MYLIP: variants seen among roughly 807,000 people sequenced by gnomAD.
The protein encoded by MYLIP is myosin regulatory light chain interacting protein, also known as E3 ubiquitin-protein ligase MYLIP.
MYLIP carries 26 observed loss-of-function variants against 45.8 expected under a neutral mutation model. That is an observed-to-expected ratio of 0.57 (90% CI 0.42 to 0.79). MYLIP has a LOEUF of 0.79. Ranked by LOEUF, MYLIP falls within the 30% of genes least tolerant of loss-of-function variation. The pLI is 0.00. For missense variants in MYLIP, 494 were observed against 555.6 expected (o/e 0.89, Z 1.11); for synonymous variants, 213 against 218.1 (o/e 0.98, Z 0.21).
chr6:16,159,097 TG>T, the MYLIP span, among the ~76,000 whole-genome samples: 1 of 152,212 alleles, frequency 6.6e-6, no homozygotes, highest in African/African-American at 2.4e-5. Context: ...TCAAAACAAC[TG>T]GGTCCTGAGG....
intron 2 of MYLIP, among the ~76,000 whole-genome samples, chr6:16,138,405 T>C (rs1010348888): frequency 2.0e-5 from 3 of 152,112 alleles, no homozygotes; most frequent in Admixed American, 6.5e-5. Context: ...GAGAAAATAC[T>C]TGATTCAAAA....
intron 2 of MYLIP, 199 bp from the exon 3 acceptor site, chr6:16,141,426 T>A (rs1759669749): frequency 2.2e-6 from 1 of 447,202 alleles, no homozygotes; most frequent in Non-Finnish European, 3.9e-6. Flanking sequence ...GGTCACAACT[T>A]TTATTCCAGA....
At chr6:16,150,420 T>C (rs1759862095), downstream of MYLIP, among the ~76,000 whole-genome samples, 1 of 151,988 alleles carries the variant, frequency 6.6e-6, no homozygotes, top group Non-Finnish European at 1.5e-5. Context: ...AAATGTGAGG[T>C]GAGGATGCGG....
downstream of MYLIP, among the ~76,000 whole-genome samples, chr6:16,151,968 T>C (rs12661277): frequency 0.29 from 44,590 of 152,174 alleles, 6,898 homozygotes; most frequent in African/African-American, 0.38. Flanking sequence ...CCACACATAA[T>C]GAATATGTAG....
Position 16,146,902 on chromosome 6 carries a change from A to G in MYLIP, c.*151A>G. 4.7e-6 allele frequency: 3 copies of G among 643,752 alleles called. No individual in the cohort carries two copies. Among genetic ancestry groups the G allele is most frequent in the South Asian group, 2.2e-5 (1 of 45,810 alleles). The allele number at this position is 643,752 out of a possible 1,614,324, so 39.9% of individuals were successfully genotyped here. ...AAAAAGGAAGAAAAATAACACAGCT[A>G]CTCCTCACTGCAAAAACATATCCAT... is the stretch of plus-strand genomic sequence containing the variant. On this transcript the variant is annotated 3_prime_UTR_variant, in exon 7 of 7. Coordinates refer to ENST00000356840, the MANE Select transcript of MYLIP (RefSeq NM_013262.4).
chr6:16,145,431 A>G, intron 6 of MYLIP, 114 bp downstream of exon 6: 1 of 1,208,312 alleles, frequency 8.3e-7, no homozygotes, highest in Non-Finnish European at 1.1e-6. Flanking sequence ...GCCCATCTTC[A>G]CCCGGAAAGG....
chr6:16,140,356 AAC>A (rs1158074061), intron 2 of MYLIP, among the ~76,000 whole-genome samples: 3 of 58,416 alleles, frequency 5.1e-5, no homozygotes, highest in Non-Finnish European at 9.2e-5. Context: ...AGTGTGACAT[AAC>A]CTTTTAGTAA....
rs1759757656 is a variant in MYLIP, at chr6:16,145,035, G to A, written c.966G>A (p.Val322=). The A allele has an allele frequency of 6.2e-7, 1 of 1,614,222 alleles. No individual in the cohort carries two copies. The highest frequency in any genetic ancestry group is 8.5e-7 in the Non-Finnish European group (1 of 1,180,038). Residue 322 remains valine, a synonymous_variant, in exon 6 of 7, where the codon GTG becomes GTA. Coordinates refer to ENST00000356840, the MANE Select transcript of MYLIP (RefSeq NM_013262.4). The part of the protein sequence containing the change: ...VFDIKRTSKE[V]YDHARRALYN... ...ATATTAAAAGAACATCAAAGGAGGT[G>A]TATGACCATGCCAGGAGGGCTCTGT...
At position 16,129,223 on chromosome 6, in the gene MYLIP, A is replaced by G; in HGVS notation, c.-100A>G. On this transcript the variant is annotated 5_prime_UTR_variant, in exon 1 of 7. Transcript: ENST00000356840. The surrounding 1 kb of genome is among the most constrained non-coding windows in gnomAD (Gnocchi z 5.1). Reference sequence around the variant, plus strand: ...CGCAGAGCTGCAGCCTTCGAGGGCCAGCCCTCTCCGAGTCCGGGGCTGGGT... The same window carrying G: ...CGCAGAGCTGCAGCCTTCGAGGGCCGGCCCTCTCCGAGTCCGGGGCTGGGT... The G allele has an allele frequency of 2.3e-6, 3 of 1,292,798 alleles. No homozygotes were observed. The highest frequency in any genetic ancestry group is 3.2e-6 in the Non-Finnish European group (3 of 926,604). The allele number at this position is 1,292,798 out of a possible 1,614,324, so 80.1% of individuals were successfully genotyped here.
chr6:16,153,026 G>A (rs1261379587), downstream of MYLIP, among the ~76,000 whole-genome samples: 1 of 152,154 alleles, frequency 6.6e-6, no homozygotes, highest in African/African-American at 2.4e-5. Context: ...TACTGATAAG[G>A]TCAGTGTCCA....
chr6:16,162,294 G>A, the MYLIP span, among the ~76,000 whole-genome samples: 2 of 152,192 alleles, frequency 1.3e-5, no homozygotes, highest in Admixed American at 6.5e-5. Flanking sequence ...AGACCAGACT[G>A]AAAGATGGAC....
the MYLIP span, among the ~76,000 whole-genome samples, chr6:16,156,602 C>A: frequency 6.2e-4 from 94 of 152,290 alleles, no homozygotes; most frequent in Non-Finnish European, 9.7e-4. Flanking sequence ...TTTGGGGCAC[C>A]CAAGTTGCTC....
chr6:16,131,407 A>G (rs1207863461), intron 2 of MYLIP, among the ~76,000 whole-genome samples: 1 of 152,240 alleles, frequency 6.6e-6, no homozygotes, highest in East Asian at 1.9e-4. Context: ...AACACCACCA[A>G]CAGTGGTAGA....
chr6:16,163,678 T>A, the MYLIP span: 1 of 152,360 alleles, frequency 6.6e-6, no homozygotes, highest in Admixed American at 6.5e-5. Context: ...TGAAGCCTCA[T>A]CTTCCTTTGA....
At chr6:16,151,221 G>A (rs933827390), downstream of MYLIP, among the ~76,000 whole-genome samples, 4 of 151,830 alleles carry the variant, frequency 2.6e-5, no homozygotes, top group Admixed American at 2.6e-4. Context: ...GCCAGGCACG[G>A]TAGCGGGTGC....
At chr6:16,134,860 A>AT (rs1361296840) in intron 2 of MYLIP, among the ~76,000 whole-genome samples, 2 of 152,318 alleles carry the variant, frequency 1.3e-5, no homozygotes, top group East Asian at 3.9e-4. Context: ...TCAGCCAAGG[A>AT]ACGCCTGTCT....
chr6:16,154,516 A>G, the MYLIP span, among the ~76,000 whole-genome samples: 1 of 152,220 alleles, frequency 6.6e-6, no homozygotes, highest in Admixed American at 6.5e-5. Context: ...GAGGAGAGCC[A>G]GGAGTCACAC....
intron 6 of MYLIP, among the ~76,000 whole-genome samples, chr6:16,145,698 T>C (rs1032061386): frequency 2.0e-5 from 3 of 152,152 alleles, no homozygotes; most frequent in Admixed American, 6.5e-5. Flanking sequence ...ATGGTCTTTA[T>C]TACTTAAGAT....
At chr6:16,142,110 C>T (rs1207207174) in intron 3 of MYLIP, among the ~76,000 whole-genome samples, 3 of 152,164 alleles carry the variant, frequency 2.0e-5, no homozygotes, top group Non-Finnish European at 2.9e-5. Flanking sequence ...ATGAACATGG[C>T]AGCATCAGGG....
Sources: gnomAD v4.1 joint callset for allele counts (sites outside exome capture counted in the v4.1 genomes callset) on GRCh38, gnomAD v4.1.1 for gene constraint, Gnocchi (gnomAD v3.1) non-coding constraint, MANE v1.5 for transcripts, NCBI Gene and HGNC (gene_info 2026-07-23, HGNC 2026-07-21) for gene names.